The following PPM1L variants were observed in gnomAD, a reference collection of about 807,000 sequenced individuals.
PPM1L encodes the protein protein phosphatase, Mg2+/Mn2+ dependent 1L, also known as protein phosphatase 1L.
Under a neutral mutation model 31.4 loss-of-function variants are expected in PPM1L, and 13 were observed. The ratio of observed to expected loss-of-function variants is 0.41; its 90% CI spans 0.27 to 0.66. The LOEUF is 0.66. PPM1L is among the 30% of genes least tolerant of loss of function. The probability of loss-of-function intolerance (pLI) is 0.29; values close to 1 mark genes in which losing one functional copy is unlikely to be tolerated. For synonymous variants in PPM1L, 184 were observed against 175.4 expected, an observed-to-expected ratio of 1.05 and a Z score of -0.39; for missense variants, 326 against 453.7, an observed-to-expected ratio of 0.72 and a Z score of 2.56.
intron 1 of PPM1L, among the ~76,000 whole-genome samples, chr3:160,824,739 A>T (rs1713306262): frequency 6.6e-6 from 1 of 152,152 alleles, no homozygotes; most frequent in Non-Finnish European, 1.5e-5. Context: ...ATATGTATAG[A>T]TTTATGTTTT....
At position 161,075,201 on chromosome 3, in the gene PPM1L, A is replaced by G. The variant is rs1032087692; in HGVS notation, c.*6044A>G. 2.0e-5 allele frequency: 3 copies of G among 152,220 alleles called. No homozygotes were observed. The highest frequency in any genetic ancestry group is 7.2e-5 in the African/African-American group (3 of 41,450). The allele number at this position is 152,220 out of a possible 1,614,324, so 9.4% of individuals were successfully genotyped here. On this transcript the variant is annotated 3_prime_UTR_variant, in exon 4 of 4. Coordinates refer to ENST00000498165, the MANE Select transcript of PPM1L (RefSeq NM_139245.4). Reference sequence around the variant, plus strand: ...TCATGCATTATCTCAAAATATTTCTATATTAATTAGATAATTCACGATGTA... The same window carrying G: ...TCATGCATTATCTCAAAATATTTCTGTATTAATTAGATAATTCACGATGTA...
chr3:160,997,307 C>A (rs539471922), intron 2 of PPM1L, among the ~76,000 whole-genome samples: 2 of 152,256 alleles, frequency 1.3e-5, no homozygotes, highest in East Asian at 3.9e-4. Flanking sequence ...AAACTGATTG[C>A]ACATGTTTGA....
At position 160,756,642 on chromosome 3, in the gene PPM1L, C is replaced by T. The variant is rs1714812980; in HGVS notation, c.334C>T (p.Leu112Phe). ...RDHMEDRFEV[L>F]TDLANKTHPS... ...CCACATGGAGGACCGCTTCGAAGTT[C>T]TCACGGATCTGGCCAACAAGACGCA... The change falls in exon 1 of 4, where the codon CTC (leucine) becomes TTC (phenylalanine). Residue 112 changes from leucine to phenylalanine, a missense_variant. By Grantham distance (22) the Leu-to-Phe change is conservative (BLOSUM62 0). Coordinates refer to ENST00000498165, the MANE Select transcript of PPM1L (RefSeq NM_139245.4). This position sits in a 1 kb window ranked among gnomAD's most constrained non-coding sequence, Gnocchi z 6.2. 1 of 1,614,180 alleles carries T rather than the reference C, an allele frequency of 6.2e-7. No individual in the cohort carries two copies.
At chr3:160,937,639 AAAAC>A (rs761147263) in intron 1 of PPM1L, among the ~76,000 whole-genome samples, 6 of 152,112 alleles carry the variant, frequency 3.9e-5, no homozygotes, top group Non-Finnish European at 7.4e-5. Flanking sequence ...CAAAAAACAA[AAAAC>A]AAACAAACAA....
intron 1 of PPM1L, among the ~76,000 whole-genome samples, chr3:160,846,410 G>A (rs1170719762): frequency 6.6e-6 from 1 of 152,086 alleles, no homozygotes; most frequent in Non-Finnish European, 1.5e-5. Context: ...AATCTCTGCA[G>A]ATACTTCATA....
At chr3:160,875,256 T>A (rs114845851) in intron 1 of PPM1L, among the ~76,000 whole-genome samples, 3,585 of 152,312 alleles carry the variant, frequency 0.024, 77 homozygotes, top group Middle Eastern at 0.034. Context: ...TTTTGCATCT[T>A]ACAGTTTAAG....
chr3:160,982,236 T>A (rs1716824910), intron 2 of PPM1L, among the ~76,000 whole-genome samples: 1 of 152,226 alleles, frequency 6.6e-6, no homozygotes, highest in Non-Finnish European at 1.5e-5. Context: ...TATCAGTTTT[T>A]AAATATTTTG....
chr3:160,937,651 C>T (rs1243459187), intron 1 of PPM1L, among the ~76,000 whole-genome samples: 1 of 151,906 alleles, frequency 6.6e-6, no homozygotes, highest in African/African-American at 2.4e-5. Flanking sequence ...AACAAACAAA[C>T]AAAACATGTA....
chr3:160,948,638 C>T (rs1227280157), intron 1 of PPM1L, among the ~76,000 whole-genome samples: 2 of 152,150 alleles, frequency 1.3e-5, no homozygotes, highest in Admixed American at 6.5e-5. Context: ...ATTAGAAGTA[C>T]ACAAGGTCAG....
chr3:161,048,393 C>T lies in PPM1L; in HGVS notation c.575-17010C>T, dbSNP rs140564975. On this transcript the variant is annotated intron_variant, in intron 2 of 3. Transcript: ENST00000498165. ...AACCACAATGCGATACCATCTCATA[C>T]CAGTTAGAATGGCAATCATTAAAAA... Among the ~76,000 whole-genome samples, 1,179 of 152,264 alleles carry T rather than the reference C, an allele frequency of 7.7e-3. 10 individuals carry two copies. Among genetic ancestry groups the T allele is most frequent in the Admixed American group, 0.015 (228 of 15,296 alleles).
intron 2 of PPM1L, among the ~76,000 whole-genome samples, chr3:161,001,959 G>A (rs950208573): frequency 1.3e-5 from 2 of 151,702 alleles, no homozygotes; most frequent in African/African-American, 4.8e-5. Flanking sequence ...CTAGCATTAG[G>A]TATATCTCCC....
At chr3:160,785,754 C>T (rs74537069) in intron 1 of PPM1L, among the ~76,000 whole-genome samples, 7,324 of 151,804 alleles carry the variant, frequency 0.048, 192 homozygotes, top group South Asian at 0.061. Flanking sequence ...GTAACCATCC[C>T]TTGCTGATGG....
At chr3:160,903,931 A>C (rs1465583822) in intron 1 of PPM1L, among the ~76,000 whole-genome samples, 4 of 152,130 alleles carry the variant, frequency 2.6e-5, no homozygotes, top group Non-Finnish European at 4.4e-5. Flanking sequence ...TCTTGGTAAA[A>C]TTCTGTCCAT....
At chr3:160,958,833 G>GT (rs1307403772) in intron 1 of PPM1L, among the ~76,000 whole-genome samples, 1 of 152,116 alleles carries the variant, frequency 6.6e-6, no homozygotes, top group East Asian at 1.9e-4. Context: ...CCACTTCCCA[G>GT]TGGACTTTTC....
intron 1 of PPM1L, among the ~76,000 whole-genome samples, chr3:160,940,745 C>G (rs1715139241): frequency 6.6e-6 from 1 of 152,200 alleles, no homozygotes; most frequent in Non-Finnish European, 1.5e-5. Flanking sequence ...TGGAGAACCT[C>G]TGCTAGGGCA....
At chr3:160,824,872 A>G (rs187391855) in intron 1 of PPM1L, among the ~76,000 whole-genome samples, 4 of 151,844 alleles carry the variant, frequency 2.6e-5, no homozygotes. Context: ...ATATTTTTAT[A>G]CTCTCTTTCC....
rs2108118433 is a variant in PPM1L at position 161,074,604 on chromosome 3, T to C, written c.*5447T>C. 6.6e-6 allele frequency: 1 copy of C among 152,326 alleles called. No individual in the cohort carries two copies. Among genetic ancestry groups the C allele is most frequent in the South Asian group, 2.1e-4 (1 of 4,826 alleles). 9.4% of individuals were successfully genotyped at this position (152,326 alleles called of 1,614,324 possible). ...CTTCCAATAGATGCATTTCTAAACA[T>C]TTTTTCTAATATGTAAATTTGCTGA... On this transcript the variant is annotated 3_prime_UTR_variant, in exon 4 of 4. Transcript: ENST00000498165.
chr3:160,811,420 G>A (rs561987719), intron 1 of PPM1L, among the ~76,000 whole-genome samples: 6 of 152,342 alleles, frequency 3.9e-5, no homozygotes, highest in African/African-American at 1.4e-4. Context: ...GCCAGTTTTT[G>A]TATAGCCTCA....
intron 2 of PPM1L, 49 bp from the exon 3 acceptor site, chr3:161,065,354 C>T: frequency 6.3e-7 from 1 of 1,575,538 alleles, no homozygotes; most frequent in Non-Finnish European, 8.7e-7. Context: ...GCAATGGAAC[C>T]TGAATGCACT....
Sources: gnomAD v4.1 joint callset for allele counts (sites outside exome capture counted in the v4.1 genomes callset) on GRCh38, gnomAD v4.1.1 for gene constraint, Gnocchi (gnomAD v3.1) non-coding constraint, MANE v1.5 for transcripts, NCBI Gene and HGNC (gene_info 2026-07-23, HGNC 2026-07-21) for gene names.